Variants in CDH23 observed in about 807,000 individuals in gnomAD.
CDH23 encodes cadherin-23.
CDH23 carries 189 observed loss-of-function variants against 317.1 expected under a neutral mutation model. The ratio of observed to expected loss-of-function variants is 0.60; its 90% CI spans 0.53 to 0.67. The LOEUF (loss-of-function observed/expected upper bound fraction) is 0.67. Ranked by LOEUF, CDH23 falls within the 30% of genes least tolerant of loss-of-function variation. The pLI, the probability that CDH23 is intolerant of heterozygous loss-of-function variation, is 0.00. For synonymous variants in CDH23, 1,839 were observed against 1,876.8 expected (o/e 0.98, Z 0.52); for missense variants, 4,401 against 4,592.4 (o/e 0.96, Z 1.20).
rs1483994108 is a variant in CDH23 at position 71,397,644 on chromosome 10, C to A, written c.-6+326C>A. Among the ~76,000 whole-genome samples, 2 of 152,080 alleles carry A rather than the reference C, an allele frequency of 1.3e-5. No homozygotes were observed. The highest frequency in any genetic ancestry group is 2.9e-5 in the Non-Finnish European group (2 of 68,012). Reference sequence around the variant, plus strand: ...CGCGAACATTTGGGGGCTTTGCTCTCGGCGCTACGGAGAGGGTCCAGGTCT... The same window carrying A: ...CGCGAACATTTGGGGGCTTTGCTCTAGGCGCTACGGAGAGGGTCCAGGTCT... On this transcript the variant is annotated intron_variant, in intron 1 of 69. Transcript: ENST00000224721. The surrounding 1 kb of genome is among the most constrained non-coding windows in gnomAD (Gnocchi z 4.8).
At position 71,806,168 on chromosome 10, in the gene CDH23, C is replaced by T. The variant is rs759319741; in HGVS notation, c.8065C>T (p.Leu2689Phe). Reference protein sequence around the residue: ...LDRESQAVYSLILVASDLGQP... With the variant: ...LDRESQAVYSFILVASDLGQP... ...TCTGACTGTGCTCTTCCGCTCCTAG[C>T]TCATCTTGGTGGCCAGCGACCTGGG... Residue 2689 changes from leucine (L) to phenylalanine (F), a missense_variant and splice_region_variant, in exon 57 of 70, where the codon CTC becomes TTC. By Grantham distance (22) the Leu-to-Phe change is conservative. Transcript: ENST00000224721. 1.1e-5 allele frequency: 17 copies of T among 1,560,398 alleles called. No homozygotes were observed. The highest frequency in any genetic ancestry group is 1.4e-5 in the Non-Finnish European group (16 of 1,152,654).
chr10:71,536,487 G>T (rs776273126), intron 6 of CDH23, among the ~76,000 whole-genome samples: 1 of 152,204 alleles, frequency 6.6e-6, no homozygotes, highest in Non-Finnish European at 1.5e-5. Flanking sequence ...AGTCACTGAA[G>T]GTTTTAGAGT....
intron 44 of CDH23, 133 bp from the exon 45 acceptor site, chr10:71,788,807 G>T (rs184239404): frequency 2.1e-5 from 13 of 626,926 alleles, no homozygotes; most frequent in African/African-American, 1.5e-4. Context: ...AAAAATGTGA[G>T]TTCATGTTGG....
At chr10:71,803,815 C>CAAAAAA (rs59916449) in intron 55 of CDH23, among the ~76,000 whole-genome samples, 6 of 71,082 alleles carry the variant, frequency 8.4e-5, no homozygotes, top group African/African-American at 1.1e-4. Flanking sequence ...ACTAAAAATG[C>CAAAAAA]AAAAAAAAAA....
intron 38 of CDH23, among the ~76,000 whole-genome samples, chr10:71,776,220 C>G (rs751048445): frequency 1.3e-5 from 2 of 152,210 alleles, no homozygotes; most frequent in Admixed American, 6.5e-5. Context: ...CCCTCCACCC[C>G]CAAGATCCAG....
At chr10:71,432,359 GTC>G (rs1444353289) in intron 1 of CDH23, among the ~76,000 whole-genome samples, 2 of 150,432 alleles carry the variant, frequency 1.3e-5, no homozygotes, top group Non-Finnish European at 3.0e-5. Context: ...GAGTGTGAGA[GTC>G]TGGGTGTGTG....
intron 1 of CDH23, among the ~76,000 whole-genome samples, chr10:71,426,231 C>A (rs1214084001): frequency 6.6e-6 from 1 of 152,190 alleles, no homozygotes; most frequent in South Asian, 2.1e-4. Context: ...ATGGGGTCAG[C>A]ATCCGAGAGG....
chr10:71,563,799 A>G (rs548258705), intron 6 of CDH23, among the ~76,000 whole-genome samples: 122 of 141,718 alleles, frequency 8.6e-4, no homozygotes, highest in African/African-American at 3.1e-3. Flanking sequence ...CCCAGGCTGG[A>G]GTGCAGTGGC....
chr10:71,707,103 C>T, intron 26 of CDH23, 54 bp downstream of exon 26: 1 of 1,567,676 alleles, frequency 6.4e-7, no homozygotes, highest in Non-Finnish European at 8.6e-7. Context: ...CCTGCCTCCA[C>T]CCCTCCCAGA....
intron 3 of CDH23, among the ~76,000 whole-genome samples, chr10:71,472,526 C>G (rs1851571376): frequency 6.6e-6 from 1 of 152,234 alleles, no homozygotes; most frequent in Non-Finnish European, 1.5e-5. Flanking sequence ...GGGACTGTCC[C>G]CTCTGCTTGT....
chr10:71,676,315 G>A (rs778328002), intron 15 of CDH23, among the ~76,000 whole-genome samples: 19 of 151,996 alleles, frequency 1.3e-4, no homozygotes, highest in Non-Finnish European at 2.5e-4. Flanking sequence ...CCAGCTATCC[G>A]TGGGAAGGAT....
At chr10:71,557,316 A>G (rs2132331696) in intron 6 of CDH23, among the ~76,000 whole-genome samples, 1 of 152,216 alleles carries the variant, frequency 6.6e-6, no homozygotes, top group Admixed American at 6.5e-5. Context: ...TTCAAAGTAT[A>G]TTGAGTTTTT....
At chr10:71,804,145 G>A (rs1841643352) in intron 55 of CDH23, among the ~76,000 whole-genome samples, 1 of 152,060 alleles carries the variant, frequency 6.6e-6, no homozygotes, top group Admixed American at 6.5e-5. Flanking sequence ...GCTCCTAGAT[G>A]TCTACCAAAA....
chr10:71,783,431 G>C (rs1841010914), intron 41 of CDH23, among the ~76,000 whole-genome samples: 1 of 152,228 alleles, frequency 6.6e-6, no homozygotes, highest in Non-Finnish European at 1.5e-5. Flanking sequence ...TTTGAATCCT[G>C]GTCTGTCATT....
chr10:71,735,520 A>G (rs1483263832), intron 34 of CDH23, among the ~76,000 whole-genome samples: 4 of 152,148 alleles, frequency 2.6e-5, no homozygotes, highest in Non-Finnish European at 4.4e-5. Flanking sequence ...TCAGCCATCA[A>G]TCTGGCCTGG....
At chr10:71,469,115 A>C (rs1167841644) in intron 3 of CDH23, among the ~76,000 whole-genome samples, 1 of 152,254 alleles carries the variant, frequency 6.6e-6, no homozygotes, top group East Asian at 1.9e-4. Context: ...CCTTTAAAGA[A>C]AAGCAATCTT....
At chr10:71,551,882 C>A (rs1306812263) in intron 6 of CDH23, among the ~76,000 whole-genome samples, 7 of 152,160 alleles carry the variant, frequency 4.6e-5, no homozygotes, top group South Asian at 4.1e-4. Flanking sequence ...GACAGAGGCA[C>A]CATCATCCAG....
At chr10:71,432,215 C>T (rs1156605349) in intron 1 of CDH23, among the ~76,000 whole-genome samples, 1 of 150,902 alleles carries the variant, frequency 6.6e-6, no homozygotes, top group Non-Finnish European at 1.5e-5. Context: ...TGAGTGTGTG[C>T]ACATGAGTGT....
intron 6 of CDH23, among the ~76,000 whole-genome samples, chr10:71,524,076 GTTC>G (rs1157615532): frequency 6.6e-6 from 1 of 152,220 alleles, no homozygotes; most frequent in Non-Finnish European, 1.5e-5. Context: ...AGATTTTTCT[GTTC>G]TTGGGCTTTC....
Sources: allele counts gnomAD v4.1 joint callset (sites outside exome capture counted in the v4.1 genomes callset), GRCh38; gene constraint gnomAD v4.1.1; non-coding constraint Gnocchi (gnomAD v3.1); transcripts MANE v1.5; gene names NCBI Gene and HGNC (gene_info 2026-07-23, HGNC 2026-07-21).